GBP7: variants seen among roughly 807,000 people sequenced by gnomAD.
GBP7 encodes the protein guanylate binding protein 7.
In GBP7, 43 loss-of-function variants were observed where a neutral mutation model predicts 61.3. That is an observed-to-expected ratio of 0.70 (90% CI 0.55 to 0.91). The LOEUF (loss-of-function observed/expected upper bound fraction) is 0.91, where lower values mean the gene tolerates loss of function less well. Among genes scored for constraint, GBP7 ranks in the 40% least tolerant of loss-of-function variants. The pLI is 0.00. For synonymous variants in GBP7, 267 were observed against 271.0 expected (o/e 0.99, Z 0.14); for missense variants, 717 against 740.5 (o/e 0.97, Z 0.37).
At position 89,132,339 on chromosome 1, in the gene GBP7, T is replaced by C; in HGVS notation, c.1727A>G (p.Asn576Ser). The C allele has an allele frequency of 6.2e-7, 1 of 1,613,212 alleles. No homozygotes were observed. Residue 576 changes from asparagine (N) to serine (S), a missense_variant, in exon 11 of 11, where the codon AAT (asparagine) becomes AGT (serine). Around this residue, in one of 3 missense-constraint regions of GBP7, gnomAD observed 312 missense variants for 310.1 expected, o/e 1.01. Coordinates refer to ENST00000294671, the MANE Select transcript of GBP7 (RefSeq NM_207398.3). ...EIFESLNEEINRLKEQIEAAE... is the reference protein window; with the variant it reads ...EIFESLNEEISRLKEQIEAAE... ...TGCTTCAATTTGTTCTTTCAGTCGA[T>C]TAATCTCTTCATTTAACGACTCAAA... is the stretch of plus-strand genomic sequence containing the variant.
chr1:89,157,923 G>A lies in GBP7; in HGVS notation c.319-5146C>T, dbSNP rs370835046. ...ACAACAGCAAAAAAAGAGAATTTTA[G>A]ACAAATATCCCTGATGAACATCAGT... On this transcript the variant is annotated intron_variant, in intron 3 of 10. Transcript: ENST00000294671. 3.7e-4 allele frequency among the ~76,000 whole-genome samples: 56 copies of A among 152,260 alleles called. 6 individuals are homozygous for A. The highest frequency in any genetic ancestry group is 9.2e-4 in the Admixed American group (14 of 15,298).
At chr1:89,139,993 A>G (rs1681894697) in intron 9 of GBP7, among the ~76,000 whole-genome samples, 1 of 152,066 alleles carries the variant, frequency 6.6e-6, no homozygotes, top group Non-Finnish European at 1.5e-5. Flanking sequence ...ACATGGACAC[A>G]TATGTTTATT....
chr1:89,149,628 C>A (rs147632494), intron 6 of GBP7, 56 bp from the exon 7 acceptor site: 1 of 1,450,672 alleles, frequency 6.9e-7, no homozygotes. Flanking sequence ...CATTGTTTTA[C>A]GAGTGGTATG....
At chr1:89,172,605 T>G (rs1314624748) in intron 1 of GBP7, among the ~76,000 whole-genome samples, 2 of 152,234 alleles carry the variant, frequency 1.3e-5, no homozygotes, top group Admixed American at 6.5e-5. Flanking sequence ...ATGTTGACAT[T>G]ACTTTTTCTG....
At chr1:89,157,411 CAAG>C (rs1483756537) in intron 3 of GBP7, among the ~76,000 whole-genome samples, 1 of 152,052 alleles carries the variant, frequency 6.6e-6, no homozygotes, top group Admixed American at 6.6e-5. Context: ...ATCAATGAAT[CAAG>C]GAGCTGGTTT....
intron 3 of GBP7, among the ~76,000 whole-genome samples, chr1:89,159,572 CAAAG>C (rs1052667048): frequency 6.6e-6 from 1 of 152,108 alleles, no homozygotes; most frequent in Non-Finnish European, 1.5e-5. Context: ...AGACACTTCT[CAAAG>C]AAGACATCTA....
chr1:89,171,757 C>T lies in GBP7; in HGVS notation c.179G>A (p.Gly60Glu), dbSNP rs990685910. Residue 60 changes from glycine to glutamate, a missense_variant, in exon 2 of 11, where the codon GGG (glycine) becomes GAG (glutamate). Around this residue, in one of 3 missense-constraint regions of GBP7, gnomAD observed 387 missense variants for 385.2 expected, o/e 1.00. Coordinates refer to ENST00000294671, the MANE Select transcript of GBP7 (RefSeq NM_207398.3). Reference protein sequence around the residue: ...GKSYLMNKLAGKNKGFPLGCT... With the variant: ...GKSYLMNKLAEKNKGFPLGCT... ...CTGGTGCCACTCACCTTTGTTCTTC[C>T]CAGCCAGCTTGTTCATTAGGTAGGA... 6.2e-7 allele frequency: 1 copy of T among 1,612,494 alleles called. No individual in the cohort carries two copies. The highest frequency in any genetic ancestry group is 1.3e-5 in the African/African-American group (1 of 74,582).
chr1:89,138,538 C>T (rs1277066745), intron 9 of GBP7, among the ~76,000 whole-genome samples: 1 of 151,986 alleles, frequency 6.6e-6, no homozygotes, highest in South Asian at 2.1e-4. Flanking sequence ...ACACCTACAA[C>T]TATCTGATCT....
chr1:89,147,772 A>G lies in GBP7; in HGVS notation c.1160T>C (p.Met387Thr), dbSNP rs948806724. ...QEFQKKLVDT[M>T]EKKKEDFVLQ... is the part of the protein sequence containing the mutation. ...CACAAAGTCTTCCTTCTTTTTCTCC[A>G]TGGTGTCCTGCCAGAAAAGTGTAGG... is the stretch of plus-strand genomic sequence containing the variant. Residue 387 changes from methionine to threonine, a missense_variant, in exon 8 of 11, where the codon ATG (methionine) becomes ACG (threonine). By Grantham distance (81) the Met-to-Thr change is moderately conservative. Coordinates refer to ENST00000294671, the MANE Select transcript of GBP7 (RefSeq NM_207398.3). 7.4e-6 allele frequency: 12 copies of G among 1,613,954 alleles called. No homozygotes were observed. The highest frequency in any genetic ancestry group is 1.7e-5 in the Admixed American group (1 of 60,010).
At chr1:89,136,919 G>T (rs1219584658) in intron 9 of GBP7, among the ~76,000 whole-genome samples, 2 of 151,422 alleles carry the variant, frequency 1.3e-5, no homozygotes, top group East Asian at 3.9e-4. Context: ...GACTAAAAAA[G>T]AACAAAAAAA....
chr1:89,144,805 A>G (rs1323593674), intron 8 of GBP7, among the ~76,000 whole-genome samples: 1 of 152,144 alleles, frequency 6.6e-6, no homozygotes, highest in Non-Finnish European at 1.5e-5. Context: ...TGTTTTAACT[A>G]TAGTCACCAT....
intron 2 of GBP7, among the ~76,000 whole-genome samples, chr1:89,168,802 C>T (rs1647512960): frequency 2.6e-5 from 4 of 151,698 alleles, no homozygotes; most frequent in African/African-American, 9.7e-5. Context: ...ACAACAACAA[C>T]AACAACAACA....
chr1:89,163,474 A>G (rs1053895643), intron 3 of GBP7, among the ~76,000 whole-genome samples: 13 of 151,798 alleles, frequency 8.6e-5, no homozygotes, highest in African/African-American at 2.4e-4. Flanking sequence ...CAGGGATTCA[A>G]TTTCTTCCCA....
chr1:89,159,297 A>C (rs1331032306), intron 3 of GBP7, among the ~76,000 whole-genome samples: 3 of 152,220 alleles, frequency 2.0e-5, no homozygotes, highest in Admixed American at 1.3e-4. Context: ...GGACATAGGC[A>C]TGGGCAAAGA....
intron 1 of GBP7, among the ~76,000 whole-genome samples, chr1:89,172,585 G>C (rs1249837137): frequency 6.6e-6 from 1 of 152,016 alleles, no homozygotes; most frequent in East Asian, 1.9e-4. Context: ...CTTGTATTAA[G>C]GGATTCATGA....
At chr1:89,152,532 T>A (rs777648552) in intron 4 of GBP7, 68 bp from the exon 5 acceptor site, 1 of 1,534,858 alleles carries the variant, frequency 6.5e-7, no homozygotes, top group Non-Finnish European at 9.0e-7. Context: ...AGAAACAAGT[T>A]TTATACACAT....
intron 6 of GBP7, 105 bp from the exon 7 acceptor site, chr1:89,149,677 A>C: frequency 1.0e-6 from 1 of 959,968 alleles, no homozygotes; most frequent in Non-Finnish European, 1.5e-6. Flanking sequence ...TCCATTTAAC[A>C]TGAATTTTCC....
At chr1:89,147,278 A>C (rs551666651) in intron 8 of GBP7, among the ~76,000 whole-genome samples, 1 of 152,274 alleles carries the variant, frequency 6.6e-6, no homozygotes, top group Non-Finnish European at 1.5e-5. Flanking sequence ...TTTTCCTTTC[A>C]TAGTGTATTT....
At position 89,132,955 on chromosome 1, in the gene GBP7, AG is replaced by A. The variant is rs1681713336; in HGVS notation, c.1662+302del. 3.9e-5 allele frequency among the ~76,000 whole-genome samples: 6 copies of A among 152,168 alleles called. No homozygotes were observed. In the South Asian group the frequency reaches 1.2e-3, roughly 32 times the overall value. On this transcript the variant is annotated intron_variant, in intron 10 of 10. Transcript: ENST00000294671. ...TTTGATGGTTGTGCCAAGAATCCTAAGGGCTGGTGGACTAAGGTCCTAATTA... is the reference window on the plus strand; with the variant it reads ...TTTGATGGTTGTGCCAAGAATCCTAAGGCTGGTGGACTAAGGTCCTAATTA...
Sources: allele counts gnomAD v4.1 joint callset (sites outside exome capture counted in the v4.1 genomes callset), GRCh38; gene constraint gnomAD v4.1.1; regional missense constraint gnomAD v4.1.1; transcripts MANE v1.5; gene names NCBI Gene and HGNC (gene_info 2026-07-23, HGNC 2026-07-21).